INPP4B: variants seen among roughly 807,000 people sequenced by gnomAD.
INPP4B encodes the protein inositol polyphosphate-4-phosphatase type II B, also known as inositol polyphosphate 4-phosphatase type II.
A neutral mutation model predicts 122.5 loss-of-function variants in INPP4B; 55 were observed. The ratio of observed to expected loss-of-function variants is 0.45; its 90% CI spans 0.36 to 0.56. INPP4B has a LOEUF of 0.56. INPP4B is among the 20% of genes least tolerant of loss of function. The probability of loss-of-function intolerance (pLI) is 0.00; values close to 1 mark genes in which losing one functional copy is unlikely to be tolerated. For missense variants in INPP4B, 1,000 were observed against 1,097.7 expected (o/e 0.91, Z 1.26); for synonymous variants, 403 against 388.7 (o/e 1.04, Z -0.43).
At chr4:142,490,130 T>C (rs185586739) in intron 2 of INPP4B, among the ~76,000 whole-genome samples, 6 of 152,082 alleles carry the variant, frequency 3.9e-5, no homozygotes, top group African/African-American at 2.4e-5. Flanking sequence ...CAGGCTGGCA[T>C]GCAGGAGCAC....
chr4:142,619,081 G>A (rs758340617), intron 2 of INPP4B, among the ~76,000 whole-genome samples: 4 of 151,816 alleles, frequency 2.6e-5, no homozygotes, highest in Non-Finnish European at 4.4e-5. Context: ...CGAAAAAGAC[G>A]AAATAAGAAG....
rs200858216 is a variant in INPP4B at position 142,545,808 on chromosome 4, C to T, written c.-190-83082G>A. 4.5e-3 allele frequency among the ~76,000 whole-genome samples: 358 copies of T among 79,984 alleles called. 3 individuals are homozygous for T. The East Asian group carries it at 0.048, about 11-fold the overall frequency. 52.5% of individuals were successfully genotyped at this position (79,984 alleles called of 152,430 possible). A position where few individuals can be genotyped will look rare whatever the true frequency, so the allele number is the denominator to read the frequency against. ...ATATATATGTGTGTATATATATACA[C>T]ATATACATGTGTGTATATATATATA... On this transcript the variant is annotated intron_variant, in intron 2 of 25. Coordinates refer to ENST00000262992, the MANE Select transcript of INPP4B (RefSeq NM_001101669.3).
At chr4:142,611,987 G>A (rs549473883) in intron 2 of INPP4B, among the ~76,000 whole-genome samples, 2 of 152,262 alleles carry the variant, frequency 1.3e-5, no homozygotes, top group East Asian at 3.9e-4. Flanking sequence ...CCCTCTTTAA[G>A]GACAGGTTTC....
chr4:142,124,630 A>G lies in INPP4B; in HGVS notation c.1851T>C (p.Cys617=), dbSNP rs146582111. Residue 617 remains cysteine, a synonymous_variant, in exon 19 of 26, where the codon TGT becomes TGC. Coordinates refer to ENST00000262992, the MANE Select transcript of INPP4B (RefSeq NM_001101669.3). The part of the protein sequence containing the change: ...LQELAYSLPQ[C]LMLTLRRDIV... ...TGTCTCTTCTTAGCGTCAGCATCAG[A>G]CACTGGGGCAAGCTGTACGCAAGTT... is the stretch of plus-strand genomic sequence containing the variant. The G allele has an allele frequency of 2.4e-5, 39 of 1,613,406 alleles. No individual in the cohort carries two copies. The highest frequency in any genetic ancestry group is 3.3e-5 in the Non-Finnish European group (39 of 1,179,664).
At chr4:142,680,892 C>T (rs536203305) in intron 2 of INPP4B, among the ~76,000 whole-genome samples, 7 of 151,982 alleles carry the variant, frequency 4.6e-5, no homozygotes, top group Non-Finnish European at 7.4e-5. Context: ...GCTTTACAAA[C>T]ACCCACGACA....
chr4:142,125,831 T>C lies in INPP4B; in HGVS notation c.1721-1071A>G, dbSNP rs528627625. 3.3e-5 allele frequency among the ~76,000 whole-genome samples: 5 copies of C among 152,278 alleles called. No homozygotes were observed. In the East Asian group the frequency reaches 9.7e-4, roughly 29 times the overall value. On this transcript the variant is annotated intron_variant, in intron 18 of 25. Transcript: ENST00000262992. ...ATTCATTTTTTAATCACCGAATCAC[T>C]AGAACCTAGCATAGTGCCTAGCATA...
intron 2 of INPP4B, among the ~76,000 whole-genome samples, chr4:142,562,781 GTCT>G (rs984518665): frequency 1.3e-5 from 2 of 151,964 alleles, no homozygotes; most frequent in African/African-American, 4.8e-5. Flanking sequence ...AAACCAAAAG[GTCT>G]TCTTAATAAT....
At chr4:142,315,303 T>C (rs1767113828) in intron 7 of INPP4B, among the ~76,000 whole-genome samples, 1 of 152,142 alleles carries the variant, frequency 6.6e-6, no homozygotes, top group Non-Finnish European at 1.5e-5. Context: ...TTATAGGATA[T>C]CTTTCCCACT....
chr4:142,239,966 T>C (rs959281729), intron 11 of INPP4B, among the ~76,000 whole-genome samples: 6 of 152,082 alleles, frequency 3.9e-5, no homozygotes, highest in Admixed American at 6.6e-5. Flanking sequence ...TATACATCAA[T>C]AATAATTTTT....
intron 16 of INPP4B, among the ~76,000 whole-genome samples, chr4:142,167,152 T>C (rs1056667046): frequency 6.6e-6 from 1 of 151,868 alleles, no homozygotes; most frequent in Admixed American, 6.6e-5. Context: ...CAAATGCCCA[T>C]CAATGATAGA....
rs138059172 is a variant in INPP4B, at chr4:142,569,611, T to C, written c.-190-106885A>G. Among the ~76,000 whole-genome samples the C allele has an allele frequency of 9.2e-5, 14 of 152,272 alleles. No individual in the cohort carries two copies. The East Asian group carries it at 2.7e-3, about 29-fold the overall frequency. On this transcript the variant is annotated intron_variant, in intron 2 of 25. Coordinates refer to ENST00000262992, the MANE Select transcript of INPP4B (RefSeq NM_001101669.3). ...CGTGTATGCTGGTGATTAGCTCCTT[T>C]CTCTGCAATGTAGTTGTAAAAATTT... is the stretch of plus-strand genomic sequence containing the variant.
At chr4:142,628,708 C>T (rs1439940564) in intron 2 of INPP4B, among the ~76,000 whole-genome samples, 1 of 151,772 alleles carries the variant, frequency 6.6e-6, no homozygotes, top group East Asian at 1.9e-4. Context: ...AGATATGGCC[C>T]CACAATATTA....
At chr4:142,037,075 C>A (rs778808049) in intron 25 of INPP4B, among the ~76,000 whole-genome samples, 1 of 152,110 alleles carries the variant, frequency 6.6e-6, no homozygotes, top group Non-Finnish European at 1.5e-5. Context: ...TGGCCATCAC[C>A]GTGGAAGCAA....
chr4:142,108,984 A>C (rs1380235980), intron 22 of INPP4B, among the ~76,000 whole-genome samples: 2 of 152,148 alleles, frequency 1.3e-5, no homozygotes, highest in Non-Finnish European at 2.9e-5. Flanking sequence ...AACATAACCC[A>C]AAACTAAAAC....
At chr4:142,469,284 A>C (rs1818380078) in intron 2 of INPP4B, among the ~76,000 whole-genome samples, 1 of 152,104 alleles carries the variant, frequency 6.6e-6, no homozygotes, top group African/African-American at 2.4e-5. Context: ...AGCTATAATA[A>C]TCCAAATTAC....
chr4:142,724,812 T>C (rs1174535779), intron 2 of INPP4B, among the ~76,000 whole-genome samples: 1 of 152,086 alleles, frequency 6.6e-6, no homozygotes, highest in Non-Finnish European at 1.5e-5. Context: ...AAATCAAAGT[T>C]CAGAAATAAG....
chr4:142,493,044 T>G (rs1029780853), intron 2 of INPP4B, among the ~76,000 whole-genome samples: 1 of 152,168 alleles, frequency 6.6e-6, no homozygotes, highest in Non-Finnish European at 1.5e-5. Context: ...GGCTAAAAGA[T>G]GCCAATGTAC....
At chr4:142,237,422 AAGC>A (rs1673826193) in intron 12 of INPP4B, among the ~76,000 whole-genome samples, 1 of 152,146 alleles carries the variant, frequency 6.6e-6, no homozygotes, top group African/African-American at 2.4e-5. Flanking sequence ...TTAAATAAAA[AAGC>A]AGGTGAGGTT....
chr4:142,145,732 C>A (rs1810340084), intron 18 of INPP4B, 108 bp downstream of exon 18: 2 of 1,056,850 alleles, frequency 1.9e-6, no homozygotes, highest in African/African-American at 3.2e-5. Flanking sequence ...GCTATCAGCA[C>A]TCTCATCAAA....
Sources: allele counts gnomAD v4.1 joint callset (sites outside exome capture counted in the v4.1 genomes callset), GRCh38; gene constraint gnomAD v4.1.1; transcripts MANE v1.5; gene names NCBI Gene and HGNC (gene_info 2026-07-23, HGNC 2026-07-21).